Variants in BAZ2B observed in about 807,000 individuals in gnomAD.
BAZ2B encodes bromodomain adjacent to zinc finger domain 2B.
Under a neutral mutation model 246.0 loss-of-function variants are expected in BAZ2B, and 91 were observed. The observed-to-expected ratio is 0.37, with a 90% confidence interval of 0.31 to 0.44. The LOEUF (loss-of-function observed/expected upper bound fraction) is 0.44. BAZ2B is among the 20% of genes least tolerant of loss of function. The probability of loss-of-function intolerance (pLI) is 1.00; values close to 1 mark genes in which losing one functional copy is unlikely to be tolerated. For missense variants in BAZ2B, 2,332 were observed against 2,533.7 expected (o/e 0.92, Z 1.71); for synonymous variants, 855 against 860.0 (o/e 0.99, Z 0.10).
At chr2:159,400,160 G>A (rs1375563933) in intron 17 of BAZ2B, among the ~76,000 whole-genome samples, 1 of 152,166 alleles carries the variant, frequency 6.6e-6, no homozygotes, top group East Asian at 1.9e-4. Flanking sequence ...TTGCAGGGAA[G>A]AGGGATATGC....
At chr2:159,465,767 C>T (rs1010600872) in intron 3 of BAZ2B, among the ~76,000 whole-genome samples, 2 of 151,952 alleles carry the variant, frequency 1.3e-5, no homozygotes, top group Non-Finnish European at 2.9e-5. Context: ...ACCAAAAATA[C>T]AAAAATTATT....
chr2:159,394,206 C>G (rs1374831529), intron 20 of BAZ2B, among the ~76,000 whole-genome samples: 2 of 151,816 alleles, frequency 1.3e-5, no homozygotes, highest in Non-Finnish European at 2.9e-5. Context: ...AGGTCTTTTC[C>G]CTGAGCTACT....
chr2:159,490,488 C>T (rs572685774), intron 2 of BAZ2B, among the ~76,000 whole-genome samples: 6 of 152,046 alleles, frequency 3.9e-5, no homozygotes, highest in South Asian at 4.1e-4. Context: ...CAAAAGTAAA[C>T]CTTGACGTTT....
intron 2 of BAZ2B, among the ~76,000 whole-genome samples, chr2:159,500,455 G>A (rs1326892728): frequency 2.6e-5 from 4 of 152,134 alleles, no homozygotes; most frequent in Non-Finnish European, 4.4e-5. Context: ...GGAGCCTCCC[G>A]TGATGTTCTC....
the BAZ2B span, among the ~76,000 whole-genome samples, chr2:159,663,384 G>C: frequency 6.6e-6 from 1 of 151,108 alleles, no homozygotes; most frequent in Non-Finnish European, 1.5e-5. Flanking sequence ...TGTGTTTTTA[G>C]TAGAGATGCA....
chr2:159,622,043 T>C, the BAZ2B span, among the ~76,000 whole-genome samples: 1 of 150,428 alleles, frequency 6.6e-6, no homozygotes, highest in Admixed American at 6.6e-5. Flanking sequence ...GAGGCGGAGG[T>C]TGCGGTGACC....
intron 8 of BAZ2B, among the ~76,000 whole-genome samples, chr2:159,435,779 C>T (rs10184021): frequency 0.13 from 19,758 of 152,252 alleles, 1,455 homozygotes; most frequent in South Asian, 0.22. Context: ...CGAGAGCCAC[C>T]GCACTCAGCC....
chr2:159,495,846 G>C (rs1278356233), intron 2 of BAZ2B, among the ~76,000 whole-genome samples: 1 of 150,682 alleles, frequency 6.6e-6, no homozygotes, highest in East Asian at 2.0e-4. Context: ...CGGCTCACTG[G>C]AAGCTCTGCC....
At chr2:159,557,558 T>C (rs1357697423) in intron 1 of BAZ2B, among the ~76,000 whole-genome samples, 2 of 152,174 alleles carry the variant, frequency 1.3e-5, no homozygotes, top group African/African-American at 2.4e-5. Context: ...CTGGAGCAAT[T>C]GTTCTCCATA....
At chr2:159,690,826 G>T in the BAZ2B span, among the ~76,000 whole-genome samples, 2 of 152,006 alleles carry the variant, frequency 1.3e-5, no homozygotes, top group Non-Finnish European at 2.9e-5. Context: ...CATATCATCT[G>T]CAAATAGAGA....
At chr2:159,345,629 T>A (rs1312899108) in intron 31 of BAZ2B, among the ~76,000 whole-genome samples, 8 of 152,214 alleles carry the variant, frequency 5.3e-5, no homozygotes, top group Non-Finnish European at 2.9e-5. Flanking sequence ...ACATATTTTT[T>A]AAAAGCCTGA....
chr2:159,686,521 T>C, the BAZ2B span, among the ~76,000 whole-genome samples: 1 of 152,052 alleles, frequency 6.6e-6, no homozygotes, highest in Non-Finnish European at 1.5e-5. Flanking sequence ...AAAACAATAC[T>C]AAGAAACTAT....
chr2:159,595,188 C>T (rs1031917890), intron 1 of BAZ2B, among the ~76,000 whole-genome samples: 4 of 151,974 alleles, frequency 2.6e-5, no homozygotes, highest in African/African-American at 7.3e-5. Context: ...CCGCAACCTC[C>T]GCCTCCTGGG....
At chr2:159,471,589 C>G (rs1430263066) in intron 3 of BAZ2B, among the ~76,000 whole-genome samples, 1 of 152,144 alleles carries the variant, frequency 6.6e-6, no homozygotes, top group Non-Finnish European at 1.5e-5. Flanking sequence ...CTGTCTCCCC[C>G]TGGCTCCCCC....
At chr2:159,416,198 C>G (rs1008931676) in intron 13 of BAZ2B, among the ~76,000 whole-genome samples, 3 of 152,136 alleles carry the variant, frequency 2.0e-5, no homozygotes, top group African/African-American at 7.2e-5. Flanking sequence ...AAAATAACAT[C>G]TATACTAACT....
At chr2:159,672,487 T>C in the BAZ2B span, among the ~76,000 whole-genome samples, 2 of 152,276 alleles carry the variant, frequency 1.3e-5, no homozygotes, top group South Asian at 4.1e-4. Flanking sequence ...TTCATTAAAA[T>C]AGAAAGTAAA....
chr2:159,545,772 C>T (rs944117905), intron 2 of BAZ2B, among the ~76,000 whole-genome samples: 5 of 152,124 alleles, frequency 3.3e-5, no homozygotes, highest in African/African-American at 1.2e-4. Flanking sequence ...ATAATCATCA[C>T]GTAAGGATCT....
chr2:159,627,805 G>C, the BAZ2B span, among the ~76,000 whole-genome samples: 1 of 152,126 alleles, frequency 6.6e-6, no homozygotes, highest in Non-Finnish European at 1.5e-5. Flanking sequence ...CATAGTATTG[G>C]AAGTTCTGGC....
intron 1 of BAZ2B, among the ~76,000 whole-genome samples, chr2:159,585,775 G>A (rs1174338728): frequency 6.6e-6 from 1 of 152,224 alleles, no homozygotes; most frequent in Admixed American, 6.5e-5. Context: ...TTCATTCAAT[G>A]ACTAGGACTT....
Sources: gnomAD v4.1 joint callset for allele counts (sites outside exome capture counted in the v4.1 genomes callset) on GRCh38, gnomAD v4.1.1 for gene constraint, MANE v1.5 for transcripts, NCBI Gene and HGNC (gene_info 2026-07-23, HGNC 2026-07-21) for gene names.